Variants in RPIA observed in about 807,000 individuals in gnomAD.
RPIA encodes the protein ribose-5-phosphate isomerase.
In RPIA, 29 loss-of-function variants were observed where a neutral mutation model predicts 37.8. That is an observed-to-expected ratio of 0.77 (90% CI 0.57 to 1.05). RPIA has a LOEUF of 1.05. RPIA is among the 50% of genes least tolerant of loss of function. RPIA has a pLI of 0.00. For synonymous variants in RPIA, 167 were observed against 157.0 expected (o/e 1.06, Z -0.48); for missense variants, 385 against 413.6 (o/e 0.93, Z 0.60).
intron 1 of RPIA, among the ~76,000 whole-genome samples, chr2:88,695,534 A>T (rs1422574390): frequency 6.6e-6 from 1 of 152,242 alleles, no homozygotes; most frequent in African/African-American, 2.4e-5. Flanking sequence ...GTTTTTCCAC[A>T]CTCAGACATA....
intron 1 of RPIA, among the ~76,000 whole-genome samples, chr2:88,696,071 T>C (rs1369887430): frequency 6.6e-6 from 1 of 152,122 alleles, no homozygotes; most frequent in Admixed American, 6.5e-5. Flanking sequence ...CTTTGTCCTG[T>C]GGGGAATGAA....
intron 3 of RPIA, among the ~76,000 whole-genome samples, chr2:88,721,260 A>G (rs1470482745): frequency 6.6e-6 from 1 of 152,052 alleles, no homozygotes; most frequent in Admixed American, 6.5e-5. Context: ...GAAATACCTA[A>G]TGTAGATGAT....
chr2:88,721,638 C>G (rs1220717121), intron 3 of RPIA, among the ~76,000 whole-genome samples: 1 of 142,574 alleles, frequency 7.0e-6, no homozygotes, highest in Non-Finnish European at 1.5e-5. Context: ...TTGGAACCAG[C>G]CCAAATGCCC....
At chr2:88,708,535 G>T (rs915517506) in intron 3 of RPIA, among the ~76,000 whole-genome samples, 1 of 152,124 alleles carries the variant, frequency 6.6e-6, no homozygotes, top group East Asian at 1.9e-4. Context: ...AATTTATTTT[G>T]GGGAAAGAAG....
intron 5 of RPIA, 112 bp downstream of exon 5, chr2:88,734,728 T>C (rs1375647534): frequency 3.5e-6 from 4 of 1,141,868 alleles, no homozygotes; most frequent in Non-Finnish European, 3.9e-6. Flanking sequence ...AAGTTTGTCT[T>C]TCTCCTAGGA....
chr2:88,705,030 T>C (rs1435225453), intron 3 of RPIA, among the ~76,000 whole-genome samples: 3 of 152,156 alleles, frequency 2.0e-5, no homozygotes, highest in Non-Finnish European at 1.5e-5. Context: ...AAGGATCTCT[T>C]CAAGGAGGAC....
rs748723504 is a variant in RPIA, at chr2:88,721,885, G to GTA, written c.403-7388_403-7387dup. ...CCTTACTGTTCTAATAAATTCTTTA[G>GTA]TATATAAATGGTTTTTTTTAAATAT... On this transcript the variant is annotated intron_variant, in intron 3 of 8. Coordinates refer to ENST00000283646, the MANE Select transcript of RPIA (RefSeq NM_144563.3). Among the ~76,000 whole-genome samples the GTA allele has an allele frequency of 3.3e-4, 49 of 150,368 alleles. No individual in the cohort carries two copies. In the East Asian group the frequency reaches 4.9e-3, roughly 15 times the overall value.
chr2:88,694,600 T>C (rs1676989289), intron 1 of RPIA, among the ~76,000 whole-genome samples: 1 of 152,216 alleles, frequency 6.6e-6, no homozygotes, highest in Non-Finnish European at 1.5e-5. Context: ...CTACAGTCTT[T>C]TGTTATATTT....
At chr2:88,708,870 C>T (rs112995004) in intron 3 of RPIA, among the ~76,000 whole-genome samples, 2,723 of 151,852 alleles carry the variant, frequency 0.018, 86 homozygotes, top group African/African-American at 0.061. Flanking sequence ...CGTACTCCTG[C>T]GTCAGCCTCC....
intron 3 of RPIA, among the ~76,000 whole-genome samples, chr2:88,712,482 A>G (rs1672971969): frequency 6.6e-6 from 1 of 152,234 alleles, no homozygotes; most frequent in African/African-American, 2.4e-5. Flanking sequence ...GATAAATGGA[A>G]GATGAACATT....
chr2:88,692,125 C>A, intron 1 of RPIA, 142 bp downstream of exon 1: 1 of 1,064,850 alleles, frequency 9.4e-7, no homozygotes, highest in Non-Finnish European at 1.3e-6. Context: ...TGCACTTTAC[C>A]CGAGTTTAGA....
chr2:88,707,402 A>G (rs1672910975), intron 3 of RPIA, among the ~76,000 whole-genome samples: 1 of 151,908 alleles, frequency 6.6e-6, no homozygotes, highest in Non-Finnish European at 1.5e-5. Context: ...TTAGTTGGCT[A>G]GTGCTGTTTT....
chr2:88,727,084 CGTGT>C (rs59619042), intron 3 of RPIA, among the ~76,000 whole-genome samples: 1 of 151,852 alleles, frequency 6.6e-6, no homozygotes, highest in Non-Finnish European at 1.5e-5. Flanking sequence ...TGTGTGCGTG[CGTGT>C]GTGTGTGTGC....
At chr2:88,744,115 T>G (rs926520132) in intron 8 of RPIA, among the ~76,000 whole-genome samples, 2 of 152,152 alleles carry the variant, frequency 1.3e-5, no homozygotes, top group Non-Finnish European at 2.9e-5. Context: ...TCTGTACTCT[T>G]TCAGAGTTTT....
chr2:88,746,325 C>A (rs1269311170), intron 8 of RPIA, among the ~76,000 whole-genome samples: 2 of 152,186 alleles, frequency 1.3e-5, no homozygotes, highest in African/African-American at 4.8e-5. Flanking sequence ...TTGGGAGGTG[C>A]TGTAGAACCT....
At chr2:88,696,497 T>TGG (rs142704964) in intron 1 of RPIA, among the ~76,000 whole-genome samples, 8 of 151,432 alleles carry the variant, frequency 5.3e-5, no homozygotes, top group African/African-American at 2.0e-4. Context: ...TTTGTGTGTG[T>TGG]GTGGGGGGGC....
At chr2:88,736,445 C>T in intron 6 of RPIA, 90 bp from the exon 7 acceptor site, 1 of 1,413,966 alleles carries the variant, frequency 7.1e-7, no homozygotes, top group Non-Finnish European at 1.0e-6. Flanking sequence ...GCCTTCCCAC[C>T]ATCTCATTAA....
chr2:88,695,089 G>T (rs922527710), intron 1 of RPIA, among the ~76,000 whole-genome samples: 6 of 152,140 alleles, frequency 3.9e-5, no homozygotes, highest in Non-Finnish European at 8.8e-5. Context: ...TGCCTAGAGA[G>T]AGCATGGAAG....
intron 3 of RPIA, among the ~76,000 whole-genome samples, chr2:88,720,883 A>G (rs1673112707): frequency 6.6e-6 from 1 of 152,194 alleles, no homozygotes; most frequent in Non-Finnish European, 1.5e-5. Context: ...CCAAAGGATT[A>G]TAAATCACTG....
Sources: allele counts gnomAD v4.1 joint callset (sites outside exome capture counted in the v4.1 genomes callset), GRCh38; gene constraint gnomAD v4.1.1; transcripts MANE v1.5; gene names NCBI Gene and HGNC (gene_info 2026-07-23, HGNC 2026-07-21).